Variants in ANKS6 observed in about 807,000 individuals in gnomAD.
The protein encoded by ANKS6 is ankyrin repeat and sterile alpha motif domain containing 6.
ANKS6 carries 47 observed loss-of-function variants against 77.9 expected under a neutral mutation model. The observed-to-expected ratio is 0.60, with a 90% CI of 0.48 to 0.77. The LOEUF (loss-of-function observed/expected upper bound fraction) is 0.77, where lower values mean the gene tolerates loss of function less well. Ranked by LOEUF, ANKS6 falls within the 30% of genes least tolerant of loss-of-function variation. ANKS6 has a pLI of 0.00. For synonymous variants in ANKS6, 488 were observed against 501.7 expected, an observed-to-expected ratio of 0.97 and a Z score of 0.37; for missense variants, 1,150 against 1,159.1, an observed-to-expected ratio of 0.99 and a Z score of 0.11.
In ANKS6 at chr9:98,783,621, T is replaced by C. The variant is rs184325916; in HGVS notation, c.1112+332A>G. On this transcript the variant is annotated intron_variant, in intron 4 of 14. Transcript: ENST00000353234. Reference sequence around the variant, plus strand: ...CAGGAGCTACTTAAGGAGGTCACTATATCTCAATGTGAAAACTCCAATGAA... The same window carrying C: ...CAGGAGCTACTTAAGGAGGTCACTACATCTCAATGTGAAAACTCCAATGAA... 3.2e-5 allele frequency: 7 copies of C among 218,584 alleles called. No homozygotes were observed. In the East Asian group the frequency reaches 7.2e-4, roughly 22 times the overall value. The allele number at this position is 218,584 out of a possible 1,614,324, so 13.5% of individuals were successfully genotyped here.
At chr9:98,781,447 G>A (rs1014421478) in intron 5 of ANKS6, among the ~76,000 whole-genome samples, 12 of 152,154 alleles carry the variant, frequency 7.9e-5, no homozygotes, top group Non-Finnish European at 1.6e-4. Context: ...CAAACTCTTG[G>A]CAAGTGAAGA....
chr9:98,778,206 C>T lies in ANKS6; in HGVS notation c.1567+20G>A. ...TCAGACCATTCCAAAAATTCTACTG[C>T]ACATGCAGACTTTTCTCACCATTGT... is the stretch of plus-strand genomic sequence containing the variant. On this transcript the variant is annotated intron_variant, in intron 7 of 14. Coordinates refer to ENST00000353234, the MANE Select transcript of ANKS6 (RefSeq NM_173551.5). 6.2e-7 allele frequency: 1 copy of T among 1,613,414 alleles called. No homozygotes were observed.
At chr9:98,784,192 G>A (rs1393056326) in intron 3 of ANKS6, 35 bp from the exon 4 acceptor site, 1 of 1,493,430 alleles carries the variant, frequency 6.7e-7, no homozygotes, top group Non-Finnish European at 9.0e-7. Context: ...GTGAACTGTG[G>A]GCCTGGTACC....
At chr9:98,779,540 AAG>A (rs1014850668) in intron 6 of ANKS6, among the ~76,000 whole-genome samples, 19 of 152,140 alleles carry the variant, frequency 1.2e-4, no homozygotes, top group Non-Finnish European at 1.5e-5. Flanking sequence ...TTAAAAAAAA[AAG>A]AGAGAGAGAT....
Position 98,790,291 on chromosome 9 carries a change from GC to G in ANKS6, c.674del (p.Gly225AlafsTer5). 6.2e-7 allele frequency: 1 copy of G among 1,604,132 alleles called. No individual in the cohort carries two copies. Among genetic ancestry groups the G allele is most frequent in the East Asian group, 2.2e-5 (1 of 44,568 alleles). ...GTGCGGCCAGCATCAGCGGGCTCCAGCCCACGGTCCGGGCTGCGTGGTTGGG... is the reference window on the plus strand; with the variant it reads ...GTGCGGCCAGCATCAGCGGGCTCCAGCCACGGTCCGGGCTGCGTGGTTGGG... ...ADPNHAARTV[G>X]WSPLMLAALT... On this transcript the variant is annotated frameshift_variant, in exon 2 of 15. Transcript: ENST00000353234. LOFTEE classifies it high-confidence loss of function.
Position 98,732,674 on chromosome 9 carries a change from A to G in ANKS6, c.*3845T>C. 1 of 1,494,402 alleles carries G rather than the reference A, an allele frequency of 6.7e-7. No individual in the cohort carries two copies. Among genetic ancestry groups the G allele is most frequent in the Non-Finnish European group, 8.9e-7 (1 of 1,122,856 alleles). The allele number at this position is 1,494,402 out of a possible 1,614,324, so 92.6% of individuals were successfully genotyped here. A position where few individuals can be genotyped will look rare whatever the true frequency, so the allele number is the denominator to read the frequency against. On this transcript the variant is annotated 3_prime_UTR_variant, in exon 15 of 15. Coordinates refer to ENST00000353234, the MANE Select transcript of ANKS6 (RefSeq NM_173551.5). ...TCCACAGTGTGAAAAGGGCTTTCTC[A>G]CTTTCACATGATCCCTGGGGGCTAC...
At chr9:98,771,863 C>T (rs373762397) in intron 9 of ANKS6, among the ~76,000 whole-genome samples, 31 of 152,280 alleles carry the variant, frequency 2.0e-4, no homozygotes, top group African/African-American at 5.8e-4. Flanking sequence ...CCTTCCAGCA[C>T]CCTCTTCGCT....
At chr9:98,746,819 C>T (rs929534973) in intron 13 of ANKS6, among the ~76,000 whole-genome samples, 28 of 152,206 alleles carry the variant, frequency 1.8e-4, no homozygotes, top group Admixed American at 1.8e-3. Flanking sequence ...CCGGGCCCTT[C>T]CCCCTGGGGA....
Position 98,732,323 on chromosome 9 carries a change from G to A in ANKS6, c.*4196C>T. 1 of 720,980 alleles carries A rather than the reference G, an allele frequency of 1.4e-6. No homozygotes were observed. Among genetic ancestry groups the A allele is most frequent in the Non-Finnish European group, 2.2e-6 (1 of 446,588 alleles). 44.7% of individuals were successfully genotyped at this position (720,980 alleles called of 1,614,324 possible). ...CAAGAATAAAAGGGACGAGTTCCCT[G>A]CCCCCTTTTTACCCGCTGGATCAGC... is the stretch of plus-strand genomic sequence containing the variant. On this transcript the variant is annotated 3_prime_UTR_variant, in exon 15 of 15. Transcript: ENST00000353234.
At chr9:98,740,602 TAA>T (rs1050515446) in intron 14 of ANKS6, among the ~76,000 whole-genome samples, 3 of 152,186 alleles carry the variant, frequency 2.0e-5, no homozygotes, top group African/African-American at 7.2e-5. Flanking sequence ...ATCTTAGCCT[TAA>T]TTTCCTGAGA....
At position 98,733,290 on chromosome 9, in the gene ANKS6, C is replaced by A; in HGVS notation, c.*3229G>T. 2 of 985,540 alleles carry A rather than the reference C, an allele frequency of 2.0e-6. No homozygotes were observed. 61.0% of individuals were successfully genotyped at this position (985,540 alleles called of 1,614,324 possible). On this transcript the variant is annotated 3_prime_UTR_variant, in exon 15 of 15. Coordinates refer to ENST00000353234, the MANE Select transcript of ANKS6 (RefSeq NM_173551.5). ...GCTGAAGAAGAGAGGCAGGAGCCCTCCGTGGCCAGCAGGGACTTGGACATC... is the reference window on the plus strand; with the variant it reads ...GCTGAAGAAGAGAGGCAGGAGCCCTACGTGGCCAGCAGGGACTTGGACATC...
intron 11 of ANKS6, 45 bp downstream of exon 11, chr9:98,768,036 C>T: frequency 1.3e-6 from 2 of 1,563,130 alleles, no homozygotes; most frequent in South Asian, 1.2e-5. Context: ...CATGTTAGAA[C>T]AGAATCTGTG....
intron 8 of ANKS6, among the ~76,000 whole-genome samples, chr9:98,776,856 G>A (rs942685330): frequency 6.6e-6 from 1 of 152,144 alleles, no homozygotes; most frequent in African/African-American, 2.4e-5. Flanking sequence ...ACACATGGGG[G>A]ACCAACAGGC....
chr9:98,787,538 G>A (rs1834642070), intron 2 of ANKS6, among the ~76,000 whole-genome samples: 1 of 152,170 alleles, frequency 6.6e-6, no homozygotes, highest in African/African-American at 2.4e-5. Context: ...GCCTAGAAAG[G>A]TGCCTGATAC....
At chr9:98,788,027 G>T (rs1834671626) in intron 2 of ANKS6, among the ~76,000 whole-genome samples, 1 of 152,240 alleles carries the variant, frequency 6.6e-6, no homozygotes, top group Admixed American at 6.5e-5. Flanking sequence ...TTGGTGAACT[G>T]AGGCAGCTGG....
In ANKS6 at chr9:98,753,743, G is replaced by A. The variant is rs541165896; in HGVS notation, c.2327-2647C>T. The stretch of plus-strand genomic sequence containing the variant: ...CCTGAAAGTGAAGCTGAGCAGAGAT[G>A]CGCAGTAGGAACACATCATTACGGG... On this transcript the variant is annotated intron_variant, in intron 12 of 14. Transcript: ENST00000353234. Among the ~76,000 whole-genome samples the A allele has an allele frequency of 8.1e-4, 124 of 152,258 alleles. 1 individual carries two copies. Among genetic ancestry groups the A allele is most frequent in the African/African-American group, 2.9e-3 (120 of 41,540 alleles).
Position 98,732,114 on chromosome 9 carries a change from A to C in ANKS6, c.*4405T>G. ...GACACGATTAACTTGCTAGGAATGG[A>C]CAAGGACAGCGACAGGATGGTGCTT... is the stretch of plus-strand genomic sequence containing the variant. On this transcript the variant is annotated 3_prime_UTR_variant, in exon 15 of 15. Transcript: ENST00000353234. The C allele has an allele frequency of 4.3e-6, 1 of 234,838 alleles. No homozygotes were observed. Among genetic ancestry groups the C allele is most frequent in the Non-Finnish European group, 8.4e-6 (1 of 119,258 alleles). 14.5% of individuals were successfully genotyped at this position (234,838 alleles called of 1,614,324 possible).
In ANKS6 at chr9:98,796,508, G is replaced by T. The variant is rs1040324636; in HGVS notation, c.-17C>A. ...CTCGCCCATCGCCGCCGCCACGCGC[G>T]GCCCGCTCCCGTCCGCCCCGCCGGC... is the stretch of plus-strand genomic sequence containing the variant. On this transcript the variant is annotated 5_prime_UTR_variant, in exon 1 of 15. Transcript: ENST00000353234. 1.2e-4 allele frequency: 121 copies of T among 986,776 alleles called. No homozygotes were observed. The African/African-American group carries it at 1.9e-3, about 15-fold the overall frequency. 61.1% of individuals were successfully genotyped at this position (986,776 alleles called of 1,614,324 possible).
chr9:98,788,063 C>A (rs945799409), intron 2 of ANKS6, among the ~76,000 whole-genome samples: 49 of 152,318 alleles, frequency 3.2e-4, no homozygotes, highest in African/African-American at 1.2e-3. Flanking sequence ...CCAGCAGGGG[C>A]ACAGCCAGCA....
Sources: allele counts gnomAD v4.1 joint callset (sites outside exome capture counted in the v4.1 genomes callset), GRCh38; gene constraint gnomAD v4.1.1; transcripts MANE v1.5; gene names NCBI Gene and HGNC (gene_info 2026-07-23, HGNC 2026-07-21).